IPO7: variants seen among roughly 807,000 people sequenced by gnomAD.
IPO7 encodes importin-7.
IPO7 carries 13 observed loss-of-function variants against 136.4 expected under a neutral mutation model. That is an observed-to-expected ratio of 0.10 (90% CI 0.06 to 0.15). The LOEUF (loss-of-function observed/expected upper bound fraction) is 0.15, where lower values mean the gene tolerates loss of function less well. IPO7 is among the 10% of genes least tolerant of loss of function. The pLI, the probability that IPO7 is intolerant of heterozygous loss-of-function variation, is 1.00. For synonymous variants in IPO7, 403 were observed against 404.4 expected (o/e 1.00, Z 0.04); for missense variants, 857 against 1,240.6 (o/e 0.69, Z 4.65).
chr11:9,407,145 A>G (rs1854900029), intron 2 of IPO7, among the ~76,000 whole-genome samples: 1 of 152,170 alleles, frequency 6.6e-6, no homozygotes, highest in Non-Finnish European at 1.5e-5. Context: ...GCATCCAGAG[A>G]CATTGGGACT....
At position 9,400,123 on chromosome 11, in the gene IPO7, A is replaced by G. The variant is rs554057699; in HGVS notation, c.85-3167A>G. Reference sequence around the variant, plus strand: ...GCTTTTAATACCTAATACAATGTAAATGCTACGTAAATAGTTGCTGTACTT... The same window carrying G: ...GCTTTTAATACCTAATACAATGTAAGTGCTACGTAAATAGTTGCTGTACTT... On this transcript the variant is annotated intron_variant, in intron 1 of 24. Coordinates refer to ENST00000379719, the MANE Select transcript of IPO7 (RefSeq NM_006391.3). Among the ~76,000 whole-genome samples the G allele has an allele frequency of 1.1e-4, 17 of 152,320 alleles. No individual in the cohort carries two copies. The South Asian group carries it at 3.5e-3, about 32-fold the overall frequency.
At chr11:9,420,821 A>G in intron 8 of IPO7, 123 bp downstream of exon 8, 4 of 649,978 alleles carry the variant, frequency 6.2e-6, no homozygotes, top group East Asian at 5.4e-5. Context: ...CCAGGTCTCA[A>G]ACATTTTTGG....
chr11:9,405,252 G>T (rs989247368), intron 2 of IPO7, among the ~76,000 whole-genome samples: 1 of 151,970 alleles, frequency 6.6e-6, no homozygotes, highest in African/African-American at 2.4e-5. Context: ...TCGGCTCACT[G>T]CAAGCTCCGC....
rs539185516 is a variant in IPO7 at position 9,397,325 on chromosome 11, A to T, written c.85-5965A>T. Among the ~76,000 whole-genome samples the T allele has an allele frequency of 4.1e-4, 12 of 29,238 alleles. 1 individual carries two copies. The South Asian group carries it at 0.023, about 55-fold the overall frequency. 19.2% of individuals were successfully genotyped at this position (29,238 alleles called of 152,430 possible). Reference sequence around the variant, plus strand: ...GATGTTGAAACCCCGTCTTTACTAAAAATAATTTAAAAAAAAATATATATA... The same window carrying T: ...GATGTTGAAACCCCGTCTTTACTAATAATAATTTAAAAAAAAATATATATA... On this transcript the variant is annotated intron_variant, in intron 1 of 24. Coordinates refer to ENST00000379719, the MANE Select transcript of IPO7 (RefSeq NM_006391.3).
rs1161569381 is a variant in IPO7, at chr11:9,424,941, C to T, written c.1169C>T (p.Thr390Ile). ...GTGTTTGAAGATTTCATTTCTCCTA[C>T]CACTGCTGCCCAGACACTTTTGTTT... is the stretch of plus-strand genomic sequence containing the variant. ...FDVFEDFISP[T>I]TAAQTLLFTA... The change falls in exon 11 of 25, where the codon ACC becomes ATC. Residue 390 changes from threonine (T) to isoleucine (I), a missense_variant. Physicochemically the swap from Thr to Ile is moderately conservative, Grantham distance 89 (BLOSUM62 -1). This residue lies in a region of IPO7 where 127 missense variants were observed against 222.4 expected (regional missense o/e 0.57). Coordinates refer to ENST00000379719, the MANE Select transcript of IPO7 (RefSeq NM_006391.3). 14 of 1,589,888 alleles carry T rather than the reference C, an allele frequency of 8.8e-6. No individual in the cohort carries two copies. The highest frequency in any genetic ancestry group is 3.4e-4 in the Middle Eastern group (2 of 5,852).
At chr11:9,428,717 C>G (rs1855248078) in intron 13 of IPO7, 88 bp downstream of exon 13, 2 of 825,490 alleles carry the variant, frequency 2.4e-6, no homozygotes, top group African/African-American at 1.7e-5. Context: ...TAAATGTTCA[C>G]TTTGAAGCCT....
At chr11:9,394,240 C>G (rs115457743) in intron 1 of IPO7, among the ~76,000 whole-genome samples, 1 of 152,064 alleles carries the variant, frequency 6.6e-6, no homozygotes, top group Non-Finnish European at 1.5e-5. Context: ...TTTCTGATTA[C>G]AGTGTTAGTG....
intron 1 of IPO7, among the ~76,000 whole-genome samples, chr11:9,392,486 C>T (rs1236384811): frequency 6.6e-6 from 1 of 151,866 alleles, no homozygotes; most frequent in Non-Finnish European, 1.5e-5. Flanking sequence ...GCTTTAGTAA[C>T]AAGAAAGGTT....
At chr11:9,414,497 A>C (rs1855012227) in intron 5 of IPO7, 86 bp downstream of exon 5, 1 of 855,676 alleles carries the variant, frequency 1.2e-6, no homozygotes, top group Admixed American at 2.8e-5. Context: ...TCAGCATTTG[A>C]ATAATAGTTA....
chr11:9,413,822 G>A (rs189509563), intron 4 of IPO7, among the ~76,000 whole-genome samples: 4 of 151,926 alleles, frequency 2.6e-5, no homozygotes, highest in East Asian at 3.9e-4. Flanking sequence ...GTGAATAGTA[G>A]CAGCTGATAA....
intron 1 of IPO7, 113 bp from the exon 2 acceptor site, chr11:9,403,177 T>C (rs2133730654): frequency 4.2e-6 from 3 of 722,568 alleles, no homozygotes; most frequent in East Asian, 5.4e-5. Flanking sequence ...GAACCAGTTA[T>C]GAAGAGCCTT....
At chr11:9,399,484 T>C (rs997452004) in intron 1 of IPO7, among the ~76,000 whole-genome samples, 6 of 152,118 alleles carry the variant, frequency 3.9e-5, no homozygotes, top group African/African-American at 1.2e-4. Flanking sequence ...GGATTTTGGG[T>C]ATAGAATTGA....
chr11:9,433,537 TA>T, intron 16 of IPO7, 32 bp from the exon 17 acceptor site: 1 of 1,505,806 alleles, frequency 6.6e-7, no homozygotes, highest in South Asian at 1.1e-5. Context: ...TAGTAGGCTG[TA>T]ACTGCATATG....
chr11:9,433,908 T>A, intron 18 of IPO7, 62 bp downstream of exon 18: 1 of 1,455,474 alleles, frequency 6.9e-7, no homozygotes, highest in Non-Finnish European at 9.3e-7. Context: ...TTGTAGCTTA[T>A]CATTTGAACA....
Position 9,384,817 on chromosome 11 carries a change from G to A in IPO7, c.54G>A (p.Leu18=). 1 of 1,606,192 alleles carries A rather than the reference G, an allele frequency of 6.2e-7. No homozygotes were observed. Residue 18 remains leucine, a synonymous_variant, in exon 1 of 25, where the codon CTG becomes CTA. Transcript: ENST00000379719. The part of the protein sequence containing the change: ...EALRGTMDPA[L]REAAERQLNE... ...TGCGGGGCACTATGGACCCAGCCCT[G>A]CGTGAGGCCGCGGAGCGCCAGCTCA... is the stretch of plus-strand genomic sequence containing the variant.
chr11:9,384,691 A>C lies in IPO7; in HGVS notation c.-73A>C, dbSNP rs957273940. On this transcript the variant is annotated 5_prime_UTR_variant, in exon 1 of 25. It removes an upstream start codon present in the reference 5' UTR. Transcript: ENST00000379719. ...TGCCGCTGCGGAGCGCGGCGGGTCC[A>C]TGTGCGCAGTGAGTGGCGCTATTCC... 2 of 1,263,842 alleles carry C rather than the reference A, an allele frequency of 1.6e-6. No individual in the cohort carries two copies. The highest frequency in any genetic ancestry group is 2.2e-6 in the Non-Finnish European group (2 of 903,074). The allele number at this position is 1,263,842 out of a possible 1,614,324, so 78.3% of individuals were successfully genotyped here. A position where few individuals can be genotyped will look rare whatever the true frequency, so the allele number is the denominator to read the frequency against.
chr11:9,428,576 C>A lies in IPO7; in HGVS notation c.1372C>A (p.Gln458Lys). ...IYKDQMEYMLQNHVFPLFSSE... is the reference protein window; with the variant it reads ...IYKDQMEYMLKNHVFPLFSSE... ...TAAAGATCAGATGGAATACATGTTG[C>A]AGAATCATGTATTCCCTCTCTTCAG... is the stretch of plus-strand genomic sequence containing the variant. The change falls in exon 13 of 25, where the codon CAG becomes AAG. Residue 458 changes from glutamine (Q) to lysine (K), a missense_variant. Physicochemically the swap from Gln to Lys is moderately conservative, Grantham distance 53 (BLOSUM62 1). Around this residue, in one of 11 missense-constraint regions of IPO7, gnomAD observed 127 missense variants for 222.4 expected, o/e 0.57. Coordinates refer to ENST00000379719, the MANE Select transcript of IPO7 (RefSeq NM_006391.3). 6.4e-7 allele frequency: 1 copy of A among 1,570,104 alleles called. No individual in the cohort carries two copies. Among genetic ancestry groups the A allele is most frequent in the Non-Finnish European group, 8.7e-7 (1 of 1,145,628 alleles).
Position 9,429,661 on chromosome 11 carries a change from C to G in IPO7, c.1592-13C>G. On this transcript the variant is annotated splice_polypyrimidine_tract_variant and intron_variant, in intron 14 of 24. Coordinates refer to ENST00000379719, the MANE Select transcript of IPO7 (RefSeq NM_006391.3). ...AGGGGTTTTACGCAAGTTTTTTACT[C>G]TTTCTCTTACAGCTAAAGAATATAT... is the stretch of plus-strand genomic sequence containing the variant. The G allele has an allele frequency of 3.1e-6, 5 of 1,592,288 alleles. No individual in the cohort carries two copies. Among genetic ancestry groups the G allele is most frequent in the Non-Finnish European group, 4.3e-6 (5 of 1,174,232 alleles).
chr11:9,440,217 C>T (rs1034895503), intron 22 of IPO7, among the ~76,000 whole-genome samples: 5 of 152,152 alleles, frequency 3.3e-5, no homozygotes, highest in Non-Finnish European at 7.4e-5. Flanking sequence ...TCATACTGCG[C>T]AGTTCTTTTT....
Sources: gnomAD v4.1 joint callset for allele counts (sites outside exome capture counted in the v4.1 genomes callset) on GRCh38, gnomAD v4.1.1 for gene constraint, gnomAD v4.1.1 regional missense constraint, MANE v1.5 for transcripts, NCBI Gene and HGNC (gene_info 2026-07-23, HGNC 2026-07-21) for gene names.